FRAS1: variants seen among roughly 807,000 people sequenced by gnomAD.
The protein encoded by FRAS1 is extracellular matrix organizing protein FRAS1.
In FRAS1, 290 loss-of-function variants were observed where a neutral mutation model predicts 435.2. The observed-to-expected ratio is 0.67, with a 90% CI of 0.61 to 0.73. FRAS1 has a LOEUF of 0.73. Among genes scored for constraint, FRAS1 ranks in the 30% least tolerant of loss-of-function variants. The probability of loss-of-function intolerance (pLI) is 0.00; values close to 1 mark genes in which losing one functional copy is unlikely to be tolerated. For missense variants in FRAS1, 4,860 were observed against 5,001.5 expected (o/e 0.97, Z 0.85); for synonymous variants, 1,800 against 1,851.0 (o/e 0.97, Z 0.71).
chr4:78,159,925 C>T (rs1004087366), intron 2 of FRAS1, among the ~76,000 whole-genome samples: 5 of 152,046 alleles, frequency 3.3e-5, no homozygotes, highest in Non-Finnish European at 7.4e-5. Context: ...ACTAATTTCA[C>T]GATTATTCCT....
rs114869869 is a variant in FRAS1 at position 78,212,612 on chromosome 4, C to T, written c.109-24898C>T. On this transcript the variant is annotated intron_variant, in intron 2 of 73. Coordinates refer to ENST00000512123, the MANE Select transcript of FRAS1 (RefSeq NM_025074.7). ...TCTCCATAAATGCACTTATTTATTCCTTATGTTCATACCTTTTACTATACC... is the reference window on the plus strand; with the variant it reads ...TCTCCATAAATGCACTTATTTATTCTTTATGTTCATACCTTTTACTATACC... 2.5e-3 allele frequency among the ~76,000 whole-genome samples: 381 copies of T among 152,238 alleles called. 2 individuals carry two copies. The highest frequency in any genetic ancestry group is 8.2e-3 in the African/African-American group (341 of 41,558).
chr4:78,391,744 G>A (rs560670735), intron 29 of FRAS1, among the ~76,000 whole-genome samples: 1 of 152,276 alleles, frequency 6.6e-6, no homozygotes, highest in Admixed American at 6.5e-5. Flanking sequence ...TTCTATTGCT[G>A]AGAGTCCTCT....
chr4:78,428,141 A>G (rs1163867952), intron 35 of FRAS1, among the ~76,000 whole-genome samples: 1 of 152,182 alleles, frequency 6.6e-6, no homozygotes, highest in Non-Finnish European at 1.5e-5. Flanking sequence ...CTGCTCTCGT[A>G]TTTTCCTCAG....
chr4:78,286,949 T>A (rs1310595842), intron 14 of FRAS1, among the ~76,000 whole-genome samples: 3 of 152,162 alleles, frequency 2.0e-5, no homozygotes, highest in Admixed American at 6.5e-5. Flanking sequence ...AAATAATTTT[T>A]TTAAATGCAG....
rs35333600 is a variant in FRAS1, at chr4:78,301,376, T to TA, written c.1535-6677dup. Among the ~76,000 whole-genome samples, 309 of 140,346 alleles carry TA rather than the reference T, an allele frequency of 2.2e-3. 2 individuals carry two copies. The highest frequency in any genetic ancestry group is 7.5e-3 in the African/African-American group (277 of 36,812). 92.1% of individuals were successfully genotyped at this position (140,346 alleles called of 152,430 possible). On this transcript the variant is annotated intron_variant, in intron 14 of 73. Transcript: ENST00000512123. The stretch of plus-strand genomic sequence containing the variant: ...TAAAGTGAAGAGTGAGCTTGAAGAG[T>TA]AAAAAAAAAAAAAGCAAATGCTGAA...
chr4:78,482,644 G>A (rs1289117402), intron 58 of FRAS1, 109 bp downstream of exon 58: 10 of 1,203,534 alleles, frequency 8.3e-6, no homozygotes, highest in Admixed American at 2.1e-5. Flanking sequence ...CAAGAAATAT[G>A]TGTGTGTAGA....
At chr4:78,300,208 A>G (rs1449488613) in intron 14 of FRAS1, among the ~76,000 whole-genome samples, 1 of 152,214 alleles carries the variant, frequency 6.6e-6, no homozygotes, top group East Asian at 1.9e-4. Flanking sequence ...TTGCATCCAC[A>G]TCTTTAACTA....
At chr4:78,188,290 TATCTATCTATCTATCTATCTATCTATCTA>T (rs1291252171) in intron 2 of FRAS1, among the ~76,000 whole-genome samples, 1 of 10,716 alleles carries the variant, frequency 9.3e-5, no homozygotes, top group East Asian at 0.17. Context: ...TCTATCTATC[TATCTATCTATCTATCTATCTATCTATCTA>T]ATCTATCTAT....
At chr4:78,402,717 C>G (rs1446955608) in intron 30 of FRAS1, among the ~76,000 whole-genome samples, 1 of 152,148 alleles carries the variant, frequency 6.6e-6, no homozygotes, top group African/African-American at 2.4e-5. Flanking sequence ...CCACCAATGC[C>G]CTTTCTATGA....
Position 78,183,732 on chromosome 4 carries a change from T to TTGTGTGTGTGTGTGTG in FRAS1, c.109-53750_109-53735dup, listed in dbSNP as rs3974339. On this transcript the variant is annotated intron_variant, in intron 2 of 73. Transcript: ENST00000512123. ...TTTTTTCTCCCTGTTTTCATTCTCT[T>TTGTGTGTGTGTGTGTG]TGTGTGTGTGTGTGTGTGTGTGTGT... is the stretch of plus-strand genomic sequence containing the variant. 3.0e-3 allele frequency among the ~76,000 whole-genome samples: 405 copies of TTGTGTGTGTGTGTGTG among 137,030 alleles called. 1 individual carries two copies. The highest frequency in any genetic ancestry group is 4.7e-3 in the Non-Finnish European group (302 of 64,212). 89.9% of individuals were successfully genotyped at this position (137,030 alleles called of 152,430 possible). A position where few individuals can be genotyped will look rare whatever the true frequency, so the allele number is the denominator to read the frequency against.
intron 35 of FRAS1, among the ~76,000 whole-genome samples, chr4:78,425,151 A>C (rs115052874): frequency 0.022 from 3,351 of 151,826 alleles, 135 homozygotes; most frequent in African/African-American, 0.077. Context: ...TCCAAGAATG[A>C]TTATTGCTAC....
At chr4:78,193,010 C>T (rs559899214) in intron 2 of FRAS1, among the ~76,000 whole-genome samples, 22 of 152,320 alleles carry the variant, frequency 1.4e-4, no homozygotes, top group African/African-American at 5.3e-4. Context: ...ATCTTTATTT[C>T]TGCCTTCATT....
intron 18 of FRAS1, among the ~76,000 whole-genome samples, chr4:78,323,305 G>A (rs1729582014): frequency 6.6e-6 from 1 of 151,946 alleles, no homozygotes; most frequent in Non-Finnish European, 1.5e-5. Flanking sequence ...TTACTACTGA[G>A]TATTAGCAAA....
At chr4:78,065,055 A>AGT (rs1459300763) in intron 1 of FRAS1, among the ~76,000 whole-genome samples, 82 of 94,246 alleles carry the variant, frequency 8.7e-4, no homozygotes, top group African/African-American at 3.0e-3. Flanking sequence ...TCAGTTTTAT[A>AGT]GTGTATATAT....
chr4:78,478,976 T>C (rs950795814), intron 55 of FRAS1, among the ~76,000 whole-genome samples: 3 of 152,232 alleles, frequency 2.0e-5, no homozygotes, highest in Non-Finnish European at 4.4e-5. Context: ...AATTAAAGTA[T>C]AGAAGTTTAT....
In FRAS1 at chr4:78,507,548, C is replaced by T. The variant is rs778308551; in HGVS notation, c.9444C>T (p.Ala3148=). ...CAGTTCTTGGGGATGTGACTACTGCCACGGTGACAATTCTAGACCAGGAGG... is the reference window on the plus strand; with the variant it reads ...CAGTTCTTGGGGATGTGACTACTGCTACGGTGACAATTCTAGACCAGGAGG... ...VEAVLGDVTT[A]TVTILDQEAA... is the part of the protein sequence containing the mutation. The change falls in exon 62 of 74, where the codon GCC becomes GCT. Residue 3148 remains alanine, a synonymous_variant. Transcript: ENST00000512123. The T allele has an allele frequency of 1.5e-5, 24 of 1,611,610 alleles. No homozygotes were observed. The highest frequency in any genetic ancestry group is 1.7e-4 in the Middle Eastern group (1 of 6,046).
chr4:78,450,964 G>A (rs1465012835), intron 45 of FRAS1, among the ~76,000 whole-genome samples: 1 of 147,578 alleles, frequency 6.8e-6, no homozygotes, highest in East Asian at 1.9e-4. Context: ...TTTAGAAGTG[G>A]AAATATACCC....
chr4:78,065,081 T>TATATATACACACAC lies in FRAS1; in HGVS notation c.77-901_77-900insTATACACACACATA, dbSNP rs762909923. Reference sequence around the variant, plus strand: ...GTGTATATATATATATATATATATATATACATACACACACACACACTAAAT... The same window carrying TATATATACACACAC: ...GTGTATATATATATATATATATATATATATATACACACACATACATACACACACACACACTAAAT... On this transcript the variant is annotated intron_variant, in intron 1 of 73. Coordinates refer to ENST00000512123, the MANE Select transcript of FRAS1 (RefSeq NM_025074.7). Among the ~76,000 whole-genome samples the TATATATACACACAC allele has an allele frequency of 3.0e-3, 375 of 125,648 alleles. 5 individuals are homozygous for TATATATACACACAC. The highest frequency in any genetic ancestry group is 0.013 in the Middle Eastern group (3 of 230). The allele number at this position is 125,648 out of a possible 152,430, so 82.4% of individuals were successfully genotyped here.
At chr4:78,147,011 AT>A (rs2110006265) in intron 2 of FRAS1, among the ~76,000 whole-genome samples, 1 of 151,912 alleles carries the variant, frequency 6.6e-6, no homozygotes, top group Non-Finnish European at 1.5e-5. Flanking sequence ...TCAGCTTCAT[AT>A]TTTTTTGCCC....
Sources: gnomAD v4.1 joint callset for allele counts (sites outside exome capture counted in the v4.1 genomes callset) on GRCh38, gnomAD v4.1.1 for gene constraint, MANE v1.5 for transcripts, NCBI Gene and HGNC (gene_info 2026-07-23, HGNC 2026-07-21) for gene names.